The following FNDC3B variants were observed in gnomAD, a reference collection of about 807,000 sequenced individuals.
The protein encoded by FNDC3B is fibronectin type III domain-containing protein 3B.
FNDC3B carries 12 observed loss-of-function variants against 151.5 expected under a neutral mutation model. The observed-to-expected ratio is 0.08, with a 90% CI of 0.05 to 0.13. FNDC3B has a LOEUF of 0.13. FNDC3B is among the 10% of genes least tolerant of loss of function. The pLI, the probability that FNDC3B is intolerant of heterozygous loss-of-function variation, is 1.00. For missense variants in FNDC3B, 1,214 were observed against 1,505.3 expected (o/e 0.81, Z 3.20); for synonymous variants, 528 against 549.0 (o/e 0.96, Z 0.54).
At chr3:172,075,915 A>T (rs925862332) in intron 1 of FNDC3B, among the ~76,000 whole-genome samples, 3 of 152,126 alleles carry the variant, frequency 2.0e-5, no homozygotes, top group Admixed American at 1.3e-4. Context: ...ATGGGTCCTG[A>T]CCTGGAGTTC....
intron 1 of FNDC3B, among the ~76,000 whole-genome samples, chr3:172,062,338 G>A (rs920338754): frequency 1.3e-5 from 2 of 148,226 alleles, no homozygotes; most frequent in African/African-American, 5.0e-5. Flanking sequence ...TTGAGATGGA[G>A]TCTCTCTCCG....
intron 1 of FNDC3B, among the ~76,000 whole-genome samples, chr3:172,058,705 A>C (rs1717039888): frequency 6.6e-6 from 1 of 152,222 alleles, no homozygotes; most frequent in East Asian, 1.9e-4. Flanking sequence ...CAATACTACA[A>C]GAAGCAGACA....
intron 4 of FNDC3B, among the ~76,000 whole-genome samples, chr3:172,240,523 GTTGA>G (rs2108760942): frequency 6.6e-6 from 1 of 152,232 alleles, no homozygotes; most frequent in East Asian, 1.9e-4. Flanking sequence ...ATTCTCAACA[GTTGA>G]TTGTTTACCT....
chr3:172,396,848 G>A (rs1202202696), intron 25 of FNDC3B, among the ~76,000 whole-genome samples: 5 of 152,170 alleles, frequency 3.3e-5, no homozygotes, highest in Admixed American at 6.5e-5. Flanking sequence ...GTTGGGGACC[G>A]CTGACCTAAA....
chr3:172,315,695 C>T lies in FNDC3B; in HGVS notation c.1254+4814C>T, dbSNP rs1026302701. ...CATCACATTTTTATTTCAGTGTCCC[C>T]GCCCCCGTGTTTACACTTTAATCTA... On this transcript the variant is annotated intron_variant, in intron 11 of 25. Coordinates refer to ENST00000415807, the MANE Select transcript of FNDC3B (RefSeq NM_022763.4). 4.6e-5 allele frequency among the ~76,000 whole-genome samples: 7 copies of T among 152,152 alleles called. No individual in the cohort carries two copies. In the East Asian group the frequency reaches 5.8e-4, roughly 13 times the overall value.
In FNDC3B at chr3:172,353,054, G is replaced by C. The variant is rs1733934572; in HGVS notation, c.2766G>C (p.Met922Ile). ...TGGGCAACACCACCATGCATGTTAT[G>C]AAAGATCTCCTTCCAGAAACCACCT... ...ITVGNTTMHV[M>I]KDLLPETTYR... The change falls in exon 22 of 26, where the codon ATG (methionine) becomes ATC (isoleucine). Residue 922 changes from methionine to isoleucine, a missense_variant. This residue lies in a region of FNDC3B where 284 missense variants were observed against 392.4 expected (regional missense o/e 0.72). Transcript: ENST00000415807. 1 of 1,614,024 alleles carries C rather than the reference G, an allele frequency of 6.2e-7. No homozygotes were observed. The highest frequency in any genetic ancestry group is 1.3e-5 in the African/African-American group (1 of 75,060).
rs560319168 is a variant in FNDC3B at position 172,273,843 on chromosome 3, T to C, written c.791-12083T>C. Among the ~76,000 whole-genome samples, 3 of 152,330 alleles carry C rather than the reference T, an allele frequency of 2.0e-5. No individual in the cohort carries two copies. The South Asian group carries it at 6.2e-4, about 32-fold the overall frequency. On this transcript the variant is annotated intron_variant, in intron 6 of 25. Coordinates refer to ENST00000415807, the MANE Select transcript of FNDC3B (RefSeq NM_022763.4). ...AAATAAGTTGAGCAGCCCGGATACA[T>C]TCTGTACTAGCTGGTTGGGAAGAAA...
intron 11 of FNDC3B, among the ~76,000 whole-genome samples, chr3:172,323,068 T>TA (rs1165615982): frequency 6.6e-6 from 1 of 151,960 alleles, no homozygotes; most frequent in African/African-American, 2.4e-5. Flanking sequence ...TAAATGTATT[T>TA]AAAATCTTTA....
intron 22 of FNDC3B, among the ~76,000 whole-genome samples, chr3:172,356,871 A>G (rs1734121760): frequency 6.6e-6 from 1 of 152,038 alleles, no homozygotes; most frequent in Admixed American, 6.6e-5. Context: ...CTAGCCCTTT[A>G]CCTGCGGGCC....
Position 172,258,599 on chromosome 3 carries a change from G to A in FNDC3B, c.790+7058G>A, listed in dbSNP as rs571524757. On this transcript the variant is annotated intron_variant, in intron 6 of 25. Coordinates refer to ENST00000415807, the MANE Select transcript of FNDC3B (RefSeq NM_022763.4). The stretch of plus-strand genomic sequence containing the variant: ...TTTCCCTCTGGGGGTCTGAGACTGT[G>A]GATATTTTTGGGTCCTTGGAGTCTA... 2.6e-5 allele frequency among the ~76,000 whole-genome samples: 4 copies of A among 152,274 alleles called. No individual in the cohort carries two copies. The South Asian group carries it at 8.3e-4, about 32-fold the overall frequency.
intron 4 of FNDC3B, among the ~76,000 whole-genome samples, chr3:172,230,156 T>C (rs1267948540): frequency 6.6e-6 from 1 of 151,976 alleles, no homozygotes; most frequent in Non-Finnish European, 1.5e-5. Context: ...AAATTTGACT[T>C]TAAACAAATG....
At chr3:172,344,914 T>C (rs2108313111) in intron 19 of FNDC3B, among the ~76,000 whole-genome samples, 1 of 152,264 alleles carries the variant, frequency 6.6e-6, no homozygotes, top group Middle Eastern at 3.4e-3. Flanking sequence ...GTGAGGCTTT[T>C]GGGTGGGCTC....
At chr3:172,337,167 C>CTT (rs34366798) in intron 15 of FNDC3B, among the ~76,000 whole-genome samples, 163 bp from the exon 16 acceptor site, 1 of 151,272 alleles carries the variant, frequency 6.6e-6, no homozygotes, top group Admixed American at 6.6e-5. Flanking sequence ...TTGTTTTTTT[C>CTT]TTTTTTTTCA....
At chr3:172,259,825 C>G (rs1240826837) in intron 6 of FNDC3B, among the ~76,000 whole-genome samples, 1 of 152,168 alleles carries the variant, frequency 6.6e-6, no homozygotes, top group Admixed American at 6.5e-5. Context: ...ATGATTCTTT[C>G]AACAGGCAAA....
chr3:172,241,510 A>G (rs1727487828), intron 4 of FNDC3B, among the ~76,000 whole-genome samples: 1 of 152,120 alleles, frequency 6.6e-6, no homozygotes. Context: ...GGGATGCCTC[A>G]CAATCATGGT....
chr3:172,246,513 C>T (rs1189869840), intron 4 of FNDC3B, among the ~76,000 whole-genome samples: 1 of 152,192 alleles, frequency 6.6e-6, no homozygotes, highest in Non-Finnish European at 1.5e-5. Context: ...CTCATAGGAG[C>T]TGGTAGTGTG....
chr3:172,321,596 A>G, intron 11 of FNDC3B: 1 of 187,672 alleles, frequency 5.3e-6, no homozygotes, highest in Non-Finnish European at 1.1e-5. Flanking sequence ...GCTGGAGTGC[A>G]GTGGCACAGT....
intron 1 of FNDC3B, among the ~76,000 whole-genome samples, chr3:172,048,587 G>T (rs1353449724): frequency 6.6e-6 from 1 of 152,172 alleles, no homozygotes; most frequent in Non-Finnish European, 1.5e-5. Flanking sequence ...ATATGATTCA[G>T]CAATTCCATT....
At chr3:172,370,563 C>T (rs1237547911) in intron 23 of FNDC3B, among the ~76,000 whole-genome samples, 2 of 152,180 alleles carry the variant, frequency 1.3e-5, no homozygotes, top group South Asian at 4.1e-4. Context: ...GCCAAGTGAA[C>T]AAGACAGCTG....
Sources: allele counts gnomAD v4.1 joint callset (sites outside exome capture counted in the v4.1 genomes callset), GRCh38; gene constraint gnomAD v4.1.1; regional missense constraint gnomAD v4.1.1; transcripts MANE v1.5; gene names NCBI Gene and HGNC (gene_info 2026-07-23, HGNC 2026-07-21).